The following CNOT4 variants were observed in gnomAD, a reference collection of about 807,000 sequenced individuals.
CNOT4 encodes CCR4-NOT transcription complex subunit 4, also known as CCR4-associated factor 4.
Under a neutral mutation model 73.8 loss-of-function variants are expected in CNOT4, and 8 were observed. The ratio of observed to expected loss-of-function variants is 0.11; its 90% CI spans 0.06 to 0.20. The LOEUF is 0.20. CNOT4 is among the 10% of genes least tolerant of loss of function. The probability of loss-of-function intolerance (pLI) is 1.00; values close to 1 mark genes in which losing one functional copy is unlikely to be tolerated. For missense variants in CNOT4, 564 were observed against 883.4 expected, an observed-to-expected ratio of 0.64 and a Z score of 4.58; for synonymous variants, 293 against 321.1, an observed-to-expected ratio of 0.91 and a Z score of 0.94.
chr7:135,497,808 C>T (rs1044700072), intron 1 of CNOT4, among the ~76,000 whole-genome samples: 4 of 152,188 alleles, frequency 2.6e-5, no homozygotes, highest in African/African-American at 9.7e-5. Context: ...CTTCTGATTA[C>T]CCCTCAAACA....
Position 135,385,556 on chromosome 7 carries a change from C to T in CNOT4, c.1627+8362G>A, listed in dbSNP as rs146358590. Among the ~76,000 whole-genome samples the T allele has an allele frequency of 3.0e-4, 46 of 152,142 alleles. No individual in the cohort carries two copies. In the East Asian group the frequency reaches 4.3e-3, roughly 14 times the overall value. On this transcript the variant is annotated intron_variant, in intron 10 of 11. Transcript: ENST00000541284. ...AGGAACACCTACACAGAAGGCTGTACTTAATTCCCAGGATGCTAAGAGTAA... is the reference window on the plus strand; with the variant it reads ...AGGAACACCTACACAGAAGGCTGTATTTAATTCCCAGGATGCTAAGAGTAA...
chr7:135,414,381 TGA>T lies in CNOT4; in HGVS notation c.509_510del (p.Leu170GlnfsTer17). On this transcript the variant is annotated frameshift_variant, in exon 5 of 12. Coordinates refer to ENST00000541284, the MANE Select transcript of CNOT4 (RefSeq NM_001190850.2). LOFTEE classifies it high-confidence loss of function. Reference protein sequence around the residue: ...YVTYIRSEDALRAIQCVNNVV... With the variant: ...YVTYIRSEDAXRAIQCVNNVV... ...ACATTGTTGACACACTGTATGGCTC[TGA>T]GAGCGTCTTCTGACCGGATATAGGT... The T allele has an allele frequency of 6.4e-7, 1 of 1,566,744 alleles. No homozygotes were observed. Among genetic ancestry groups the T allele is most frequent in the Non-Finnish European group, 8.8e-7 (1 of 1,138,434 alleles).
At chr7:135,483,089 C>A (rs1802489878) in intron 1 of CNOT4, among the ~76,000 whole-genome samples, 2 of 149,868 alleles carry the variant, frequency 1.3e-5, no homozygotes, top group South Asian at 4.2e-4. Context: ...TTTCTCAGTA[C>A]TTTGGGAGGC....
At chr7:135,460,571 G>A (rs1800815791) in intron 1 of CNOT4, among the ~76,000 whole-genome samples, 2 of 151,938 alleles carry the variant, frequency 1.3e-5, no homozygotes, top group South Asian at 2.1e-4. Flanking sequence ...TGCAGTTCCC[G>A]GCATCTCAAA....
At position 135,394,025 on chromosome 7, in the gene CNOT4, C is replaced by G. The variant is rs372237832; in HGVS notation, c.1520G>C (p.Ser507Thr). ...TGCTGTGTGGTTCAAGTGCATGATG[C>G]TATTGCGTGGAAAGGCCATCCAAGG... is the stretch of plus-strand genomic sequence containing the variant. ...RYPWMAFPRN[S>T]IMHLNHTANP... is the part of the protein sequence containing the mutation. The change falls in exon 10 of 12, where the codon AGC becomes ACC. Residue 507 changes from serine to threonine, a missense_variant. Around this residue, in one of 10 missense-constraint regions of CNOT4, gnomAD observed 153 missense variants for 158.7 expected, o/e 0.96. Coordinates refer to ENST00000541284, the MANE Select transcript of CNOT4 (RefSeq NM_001190850.2). 5.9e-5 allele frequency: 96 copies of G among 1,614,034 alleles called. No homozygotes were observed. The highest frequency in any genetic ancestry group is 6.8e-5 in the Non-Finnish European group (80 of 1,180,026).
chr7:135,422,122 AT>A (rs1563040136), intron 3 of CNOT4, 33 bp downstream of exon 3: 1 of 1,327,748 alleles, frequency 7.5e-7, no homozygotes, highest in Non-Finnish European at 1.1e-6. Context: ...GAAACAAAAA[AT>A]ATCAAGATGA....
chr7:135,412,216 T>G lies in CNOT4; in HGVS notation c.687+1272A>C, dbSNP rs189599599. ...AGCCACAAAGAGCTCAACTTGATATTAAAATGACTCTACAGGGGCAGTTCA... is the reference window on the plus strand; with the variant it reads ...AGCCACAAAGAGCTCAACTTGATATGAAAATGACTCTACAGGGGCAGTTCA... On this transcript the variant is annotated intron_variant, in intron 6 of 11. Coordinates refer to ENST00000541284, the MANE Select transcript of CNOT4 (RefSeq NM_001190850.2). Among the ~76,000 whole-genome samples the G allele has an allele frequency of 1.4e-3, 213 of 152,012 alleles. 2 individuals carry two copies. Among genetic ancestry groups the G allele is most frequent in the Middle Eastern group, 3.4e-3 (1 of 294 alleles).
chr7:135,371,499 T>C (rs928111127), intron 10 of CNOT4, among the ~76,000 whole-genome samples: 1 of 152,152 alleles, frequency 6.6e-6, no homozygotes, highest in Non-Finnish European at 1.5e-5. Context: ...GGGCATCCCA[T>C]AGAGAACACA....
At chr7:135,459,093 G>A (rs910786743) in intron 1 of CNOT4, among the ~76,000 whole-genome samples, 6 of 151,824 alleles carry the variant, frequency 4.0e-5, no homozygotes, top group African/African-American at 7.3e-5. Context: ...CTGGATCCAC[G>A]GACTGCAGAA....
At chr7:135,463,309 G>A (rs59692662) in intron 1 of CNOT4, among the ~76,000 whole-genome samples, 7,268 of 152,190 alleles carry the variant, frequency 0.048, 592 homozygotes, top group African/African-American at 0.17. Context: ...AGGCCGAGGC[G>A]AGTAGATCAC....
intron 7 of CNOT4, among the ~76,000 whole-genome samples, chr7:135,409,748 A>G (rs1235453140): frequency 6.6e-6 from 1 of 152,158 alleles, no homozygotes; most frequent in Non-Finnish European, 1.5e-5. Context: ...CATTTGATAA[A>G]AGTTAAACTT....
chr7:135,457,597 G>T (rs1000753332), intron 1 of CNOT4, among the ~76,000 whole-genome samples: 7 of 151,994 alleles, frequency 4.6e-5, no homozygotes, highest in Admixed American at 2.0e-4. Flanking sequence ...CCAAAAATTT[G>T]TAAGTTTCAA....
chr7:135,367,353 C>T (rs1794970010), intron 10 of CNOT4, among the ~76,000 whole-genome samples: 1 of 152,074 alleles, frequency 6.6e-6, no homozygotes, highest in Non-Finnish European at 1.5e-5. Context: ...CACTGGAGTA[C>T]AATTCAACGT....
At chr7:135,427,502 AC>A (rs763762723) in intron 2 of CNOT4, among the ~76,000 whole-genome samples, 9 of 152,170 alleles carry the variant, frequency 5.9e-5, no homozygotes, top group Admixed American at 3.9e-4. Flanking sequence ...TCTGCTGCAT[AC>A]CACTTGGGCC....
At chr7:135,409,891 G>T (rs1797499855) in intron 7 of CNOT4, among the ~76,000 whole-genome samples, 1 of 151,990 alleles carries the variant, frequency 6.6e-6, no homozygotes, top group Admixed American at 6.6e-5. Flanking sequence ...AAGATAAGAA[G>T]ATCAACATAT....
chr7:135,478,470 G>A (rs890559244), intron 1 of CNOT4, among the ~76,000 whole-genome samples: 2 of 152,104 alleles, frequency 1.3e-5, no homozygotes, highest in Non-Finnish European at 2.9e-5. Flanking sequence ...GGCTGGGCAC[G>A]GTGGCTCAGA....
At position 135,422,306 on chromosome 7, in the gene CNOT4, C is replaced by T. The variant is rs1325132115; in HGVS notation, c.222G>A (p.Glu74=). Residue 74 remains glutamate (E), a synonymous_variant, in exon 3 of 12, where the codon GAG becomes GAA. Transcript: ENST00000541284. ...PAVYKPLSQE[E]LQRIKNEKKQ... ...TTTTCTCATTCTTTATCCTTTGCAG[C>T]TCTTCCTGGGAGAGTGGTTTATAAA... 16 of 1,578,584 alleles carry T rather than the reference C, an allele frequency of 1.0e-5. No homozygotes were observed. Among genetic ancestry groups the T allele is most frequent in the Non-Finnish European group, 1.4e-5 (16 of 1,147,770 alleles).
chr7:135,448,282 C>G (rs535723359), intron 1 of CNOT4, among the ~76,000 whole-genome samples: 1 of 152,060 alleles, frequency 6.6e-6, no homozygotes, highest in Non-Finnish European at 1.5e-5. Context: ...TGGTGGCTCA[C>G]GCCTGTAATC....
intron 1 of CNOT4, among the ~76,000 whole-genome samples, chr7:135,481,391 C>T (rs944719475): frequency 3.3e-5 from 5 of 152,146 alleles, no homozygotes; most frequent in Non-Finnish European, 5.9e-5. Flanking sequence ...GAGATATTAT[C>T]TTACCCCAGT....
Sources: gnomAD v4.1 joint callset for allele counts (sites outside exome capture counted in the v4.1 genomes callset) on GRCh38, gnomAD v4.1.1 for gene constraint, gnomAD v4.1.1 regional missense constraint, MANE v1.5 for transcripts, NCBI Gene and HGNC (gene_info 2026-07-23, HGNC 2026-07-21) for gene names.